Variants in IL1RAPL2 observed in about 807,000 individuals in gnomAD.
IL1RAPL2 encodes the protein X-linked interleukin-1 receptor accessory protein-like 2.
IL1RAPL2 carries 3 observed loss-of-function variants against 44.1 expected under a neutral mutation model. The ratio of observed to expected loss-of-function variants is 0.07; its 90% confidence interval spans 0.03 to 0.18. The LOEUF is 0.18. Ranked by LOEUF, IL1RAPL2 falls within the 10% of genes least tolerant of loss-of-function variation. The probability of loss-of-function intolerance (pLI) is 1.00; values close to 1 mark genes in which losing one functional copy is unlikely to be tolerated. For missense variants in IL1RAPL2, 391 were observed against 496.4 expected (o/e 0.79, Z 2.02); for synonymous variants, 181 against 178.8 (o/e 1.01, Z -0.10).
At chrX:104,986,891 A>G (rs1482466847) in intron 2 of IL1RAPL2, among the ~76,000 whole-genome samples, 3 of 112,258 alleles carry the variant, frequency 2.7e-5, no homozygotes, top group East Asian at 5.6e-4. Flanking sequence ...TACCAAATAC[A>G]TGGACCAATA....
At chrX:105,676,776 T>C (rs1465474627) in intron 6 of IL1RAPL2, among the ~76,000 whole-genome samples, 1 of 112,175 alleles carries the variant, frequency 8.9e-6, no homozygotes, top group Non-Finnish European at 1.9e-5. Flanking sequence ...TAGTAACAAC[T>C]GAATGTGTAA....
At chrX:104,638,278 C>T (rs1296600327) in intron 1 of IL1RAPL2, among the ~76,000 whole-genome samples, 1 of 110,476 alleles carries the variant, frequency 9.1e-6, no homozygotes, top group Non-Finnish European at 1.9e-5. Context: ...CAGCTAGTGG[C>T]TTATTAATTT....
At chrX:105,237,653 G>A (rs1409773495) in intron 4 of IL1RAPL2, among the ~76,000 whole-genome samples, 1 of 111,890 alleles carries the variant, frequency 8.9e-6, no homozygotes, top group Admixed American at 9.5e-5. Context: ...TTTGAGAAGT[G>A]TGTGTTCATA....
At chrX:104,846,788 GT>G (rs1922064223) in intron 2 of IL1RAPL2, among the ~76,000 whole-genome samples, 1 of 112,033 alleles carries the variant, frequency 8.9e-6, no homozygotes, top group Non-Finnish European at 1.9e-5. Context: ...TTCCACAATG[GT>G]TGAACTAGTT....
intron 2 of IL1RAPL2, among the ~76,000 whole-genome samples, chrX:105,005,795 G>A (rs181227691): frequency 3.1e-4 from 34 of 110,553 alleles, no homozygotes; most frequent in Admixed American, 2.7e-3. Context: ...AAATAACAGG[G>A]GAGAATTTTT....
At chrX:104,950,657 A>G (rs1049343245) in intron 2 of IL1RAPL2, among the ~76,000 whole-genome samples, 8 of 111,719 alleles carry the variant, frequency 7.2e-5, no homozygotes, top group Non-Finnish European at 1.1e-4. Flanking sequence ...AGCTAGGTGC[A>G]GGATGTAATC....
At chrX:104,835,744 C>T (rs1921726546) in intron 2 of IL1RAPL2, among the ~76,000 whole-genome samples, 1 of 112,030 alleles carries the variant, frequency 8.9e-6, no homozygotes, top group Non-Finnish European at 1.9e-5. Flanking sequence ...CTCACCTGTC[C>T]CAGTTGAAGC....
chrX:105,501,717 A>G (rs1370249389), intron 6 of IL1RAPL2, among the ~76,000 whole-genome samples: 2 of 112,043 alleles, frequency 1.8e-5, no homozygotes, highest in Non-Finnish European at 1.9e-5. Context: ...ACAAAATCAC[A>G]GTGGCTTAAC....
chrX:105,234,964 G>A (rs73636208), intron 4 of IL1RAPL2, among the ~76,000 whole-genome samples: 2,432 of 110,896 alleles, frequency 0.022, 59 homozygotes, highest in African/African-American at 0.076. Context: ...TGGCAAGAGT[G>A]GAGGAAGCTG....
At chrX:105,677,992 T>C (rs1449932427) in intron 6 of IL1RAPL2, among the ~76,000 whole-genome samples, 1 of 111,930 alleles carries the variant, frequency 8.9e-6, no homozygotes, top group Admixed American at 9.5e-5. Context: ...ATAGGGAGTT[T>C]ATGTGACCTC....
At chrX:105,243,587 G>GTA (rs1168803021) in intron 4 of IL1RAPL2, among the ~76,000 whole-genome samples, 217 of 74,808 alleles carry the variant, frequency 2.9e-3, no homozygotes, top group East Asian at 0.013. Context: ...ATATATATGT[G>GTA]TATATATATA....
intron 5 of IL1RAPL2, among the ~76,000 whole-genome samples, chrX:105,425,860 A>G (rs2035805679): frequency 9.1e-6 from 1 of 110,276 alleles, no homozygotes; most frequent in Non-Finnish European, 1.9e-5. Flanking sequence ...AACACCAACA[A>G]AAAGAACATC....
intron 2 of IL1RAPL2, among the ~76,000 whole-genome samples, chrX:104,854,351 A>G (rs1474388246): frequency 9.0e-6 from 1 of 111,712 alleles, no homozygotes; most frequent in Non-Finnish European, 1.9e-5. Context: ...TTTACCTTTC[A>G]AACCAAAGCC....
intron 6 of IL1RAPL2, among the ~76,000 whole-genome samples, chrX:105,519,072 A>G (rs1325887679): frequency 3.6e-5 from 4 of 112,009 alleles, no homozygotes; most frequent in African/African-American, 1.3e-4. Flanking sequence ...AGAACCCACA[A>G]GTAGTTAGAA....
At chrX:105,206,382 C>T (rs2033763990) in intron 3 of IL1RAPL2, among the ~76,000 whole-genome samples, 2 of 111,302 alleles carry the variant, frequency 1.8e-5, no homozygotes, top group Non-Finnish European at 3.8e-5. Context: ...AGAACTTGCC[C>T]AAGGACACAT....
intron 1 of IL1RAPL2, among the ~76,000 whole-genome samples, chrX:104,619,707 G>A (rs1929349345): frequency 8.9e-6 from 1 of 112,107 alleles, no homozygotes; most frequent in Non-Finnish European, 1.9e-5. Context: ...GTCCAATATG[G>A]CATTGCAAAT....
chrX:105,547,114 A>G (rs375604490), intron 6 of IL1RAPL2, among the ~76,000 whole-genome samples: 4 of 112,393 alleles, frequency 3.6e-5, no homozygotes, highest in South Asian at 7.4e-4. Context: ...ACAGGCCATG[A>G]GGCAGATTTT....
intron 2 of IL1RAPL2, among the ~76,000 whole-genome samples, chrX:104,839,743 T>G (rs1921851856): frequency 8.9e-6 from 1 of 111,847 alleles, no homozygotes; most frequent in South Asian, 3.7e-4. Context: ...CGTAGGCTAC[T>G]AATTACTACC....
intron 2 of IL1RAPL2, among the ~76,000 whole-genome samples, chrX:104,941,578 C>G (rs1482166412): frequency 9.0e-6 from 1 of 111,157 alleles, no homozygotes; most frequent in Non-Finnish European, 1.9e-5. Flanking sequence ...TGTTTAAGTT[C>G]TTTGTAGATT....
Sources: allele counts gnomAD v4.1 joint callset (sites outside exome capture counted in the v4.1 genomes callset), GRCh38; gene constraint gnomAD v4.1.1; transcripts MANE v1.5; gene names NCBI Gene and HGNC (gene_info 2026-07-23, HGNC 2026-07-21).